The following MTHFD2L variants were observed in gnomAD, a reference collection of about 807,000 sequenced individuals.
The protein encoded by MTHFD2L is bifunctional methylenetetrahydrofolate dehydrogenase/cyclohydrolase 2, mitochondrial.
MTHFD2L carries 29 observed loss-of-function variants against 34.9 expected under a neutral mutation model. That is an observed-to-expected ratio of 0.83 (90% CI 0.62 to 1.13). The LOEUF (loss-of-function observed/expected upper bound fraction) is 1.13. MTHFD2L is among the 50% of genes most tolerant of loss of function. MTHFD2L has a pLI of 0.00. For missense variants in MTHFD2L, 481 were observed against 446.5 expected, an observed-to-expected ratio of 1.08 and a Z score of -0.70; for synonymous variants, 167 against 155.7, an observed-to-expected ratio of 1.07 and a Z score of -0.54.
At chr4:74,237,095 A>C (rs1485018073) in intron 6 of MTHFD2L, among the ~76,000 whole-genome samples, 1 of 152,192 alleles carries the variant, frequency 6.6e-6, no homozygotes, top group Non-Finnish European at 1.5e-5. Context: ...TCTCTCAATC[A>C]TATTGTGAAG....
chr4:74,129,142 C>T (rs529380356), intron 1 of MTHFD2L, among the ~76,000 whole-genome samples: 1 of 151,964 alleles, frequency 6.6e-6, no homozygotes, highest in Non-Finnish European at 1.5e-5. Context: ...AAGGAGATGA[C>T]AACTTAGATC....
At chr4:74,203,144 C>CAT (rs1243387764) in intron 5 of MTHFD2L, among the ~76,000 whole-genome samples, 2 of 151,910 alleles carry the variant, frequency 1.3e-5, no homozygotes, top group African/African-American at 2.4e-5. Flanking sequence ...GAAATCAATA[C>CAT]ATATATATAT....
At chr4:74,186,874 C>T (rs760710166) in intron 3 of MTHFD2L, among the ~76,000 whole-genome samples, 20 of 151,994 alleles carry the variant, frequency 1.3e-4, no homozygotes, top group Non-Finnish European at 2.9e-4. Flanking sequence ...AAATGAGTAA[C>T]ATGGAGGATT....
chr4:74,190,924 A>G (rs553880963), intron 3 of MTHFD2L, among the ~76,000 whole-genome samples: 1 of 152,238 alleles, frequency 6.6e-6, no homozygotes, highest in South Asian at 2.1e-4. Flanking sequence ...TTTTTGAGAC[A>G]GAGTCTCGCT....
At position 74,189,181 on chromosome 4, in the gene MTHFD2L, T is replaced by C. The variant is rs560466225; in HGVS notation, c.452-10613T>C. ...TTAAATTGCATTGTGTTTGGACCAA[T>C]ATTGAGGTTGTGTCACAAGCCCATG... On this transcript the variant is annotated intron_variant, in intron 3 of 7. Coordinates refer to ENST00000325278, the MANE Select transcript of MTHFD2L (RefSeq NM_001144978.3). Among the ~76,000 whole-genome samples the C allele has an allele frequency of 2.0e-5, 3 of 152,276 alleles. No individual in the cohort carries two copies. The East Asian group carries it at 5.8e-4, about 29-fold the overall frequency.
intron 4 of MTHFD2L, among the ~76,000 whole-genome samples, chr4:74,200,225 T>C (rs1017002497): frequency 6.6e-6 from 1 of 151,972 alleles, no homozygotes; most frequent in Non-Finnish European, 1.5e-5. Flanking sequence ...GGAAGGAGAA[T>C]GGCATGAACC....
intron 6 of MTHFD2L, chr4:74,241,816 G>A (rs1176710648): frequency 1.2e-5 from 2 of 160,418 alleles, no homozygotes; most frequent in African/African-American, 4.8e-5. Flanking sequence ...ATGAACTATT[G>A]ATACAGCAAC....
intron 5 of MTHFD2L, among the ~76,000 whole-genome samples, chr4:74,207,766 C>CTGTTTTTTTTTT (rs1735596833): frequency 7.8e-6 from 1 of 128,476 alleles, no homozygotes; most frequent in Admixed American, 8.0e-5. Context: ...TGAAAAAGAA[C>CTGTTTTTTTTTT]TTTTTTTTTT....
In MTHFD2L at chr4:74,293,214, G is replaced by A. The variant is rs554774620; in HGVS notation, c.932-8483G>A. Among the ~76,000 whole-genome samples, 6 of 151,930 alleles carry A rather than the reference G, an allele frequency of 3.9e-5. No homozygotes were observed. The East Asian group carries it at 1.2e-3, about 29-fold the overall frequency. On this transcript the variant is annotated intron_variant, in intron 7 of 7. Coordinates refer to ENST00000325278, the MANE Select transcript of MTHFD2L (RefSeq NM_001144978.3). ...TTCCCTTGCCCTCCACCCCCGACAG[G>A]CCCCAGTGTGTGATGTTCCCCTCCC...
At chr4:74,144,333 G>A (rs913673838) in intron 1 of MTHFD2L, among the ~76,000 whole-genome samples, 29 of 152,068 alleles carry the variant, frequency 1.9e-4, no homozygotes, top group African/African-American at 6.0e-4. Context: ...GGCGCCTGTA[G>A]TCCCAGCTGC....
At chr4:74,120,797 C>T (rs919657744), upstream of MTHFD2L, among the ~76,000 whole-genome samples, 1 of 152,100 alleles carries the variant, frequency 6.6e-6, no homozygotes, top group African/African-American at 2.4e-5. Flanking sequence ...GATCACTGGC[C>T]AGAGTGTTTG....
intron 5 of MTHFD2L, among the ~76,000 whole-genome samples, chr4:74,211,825 T>G (rs560717383): frequency 9.9e-5 from 15 of 152,134 alleles, no homozygotes; most frequent in South Asian, 4.1e-4. Flanking sequence ...GTTTTTTTTT[T>G]GGGTTGGTAG....
rs990077718 is a variant in MTHFD2L at position 74,205,602 on chromosome 4, C to T, written c.712+4232C>T. 5.9e-5 allele frequency among the ~76,000 whole-genome samples: 9 copies of T among 151,990 alleles called. No individual in the cohort carries two copies. The South Asian group carries it at 1.9e-3, about 31-fold the overall frequency. The stretch of plus-strand genomic sequence containing the variant: ...TTCTTGAGTATTTTTTTTAATTCCC[C>T]AAGGGCTTGAAATATTTAGAGGAAT... On this transcript the variant is annotated intron_variant, in intron 5 of 7. Coordinates refer to ENST00000325278, the MANE Select transcript of MTHFD2L (RefSeq NM_001144978.3).
At chr4:74,284,939 C>G (rs912953485) in intron 7 of MTHFD2L, among the ~76,000 whole-genome samples, 1 of 152,042 alleles carries the variant, frequency 6.6e-6, no homozygotes, top group Non-Finnish European at 1.5e-5. Flanking sequence ...TGGAACCAAC[C>G]CAAATGTCCA....
chr4:74,181,213 A>G (rs188980943), intron 3 of MTHFD2L, among the ~76,000 whole-genome samples: 2 of 152,258 alleles, frequency 1.3e-5, no homozygotes, highest in East Asian at 3.9e-4. Context: ...AACTGTGTGA[A>G]AACATTTAGA....
intron 5 of MTHFD2L, among the ~76,000 whole-genome samples, chr4:74,203,845 A>C (rs532373201): frequency 2.0e-5 from 3 of 151,902 alleles, no homozygotes; most frequent in African/African-American, 7.2e-5. Context: ...AGTAATGTTT[A>C]CCTAAGTATA....
intron 6 of MTHFD2L, among the ~76,000 whole-genome samples, chr4:74,255,783 A>C (rs192821923): frequency 6.6e-6 from 1 of 152,290 alleles, no homozygotes; most frequent in Non-Finnish European, 1.5e-5. Context: ...AATTCACTTA[A>C]GATAATGGCC....
chr4:74,234,942 A>C (rs1490926346), intron 6 of MTHFD2L, among the ~76,000 whole-genome samples: 5 of 152,100 alleles, frequency 3.3e-5, no homozygotes, highest in African/African-American at 1.2e-4. Context: ...GTCGGGTTTC[A>C]TCCCACAGAA....
At chr4:74,114,646 G>A (rs1452940002) in exon 2 of MTHFD2L, 1 of 152,194 alleles carries the variant, frequency 6.6e-6, no homozygotes. Context: ...TTGACCAGCT[G>A]TGGGACCTCA....
Sources: allele counts gnomAD v4.1 joint callset (sites outside exome capture counted in the v4.1 genomes callset), GRCh38; gene constraint gnomAD v4.1.1; transcripts MANE v1.5; gene names NCBI Gene and HGNC (gene_info 2026-07-23, HGNC 2026-07-21).